LTBP1: variants seen among roughly 807,000 people sequenced by gnomAD.
The protein encoded by LTBP1 is latent transforming growth factor beta binding protein 1.
In LTBP1, 129 loss-of-function variants were observed where a neutral mutation model predicts 207.6. The observed-to-expected ratio is 0.62, with a 90% CI of 0.54 to 0.72. The LOEUF is 0.72. LTBP1 is among the 30% of genes least tolerant of loss of function. The pLI is 0.00. For missense variants in LTBP1, 2,281 were observed against 2,217.2 expected, an observed-to-expected ratio of 1.03 and a Z score of -0.58; for synonymous variants, 963 against 833.7, an observed-to-expected ratio of 1.16 and a Z score of -2.67.
At chr2:33,360,900 C>T in intron 27 of LTBP1, 121 bp downstream of exon 27, 7 of 769,552 alleles carry the variant, frequency 9.1e-6, no homozygotes, top group Non-Finnish European at 1.5e-5. Context: ...TAGTGAGTTT[C>T]ATTCAGGGCT....
At chr2:33,234,224 G>T (rs939442111) in intron 9 of LTBP1, among the ~76,000 whole-genome samples, 5 of 152,018 alleles carry the variant, frequency 3.3e-5, no homozygotes, top group Non-Finnish European at 5.9e-5. Context: ...TCTCTGCTTA[G>T]ACCCCATTGC....
At chr2:32,956,887 C>T (rs979791467) in intron 2 of LTBP1, among the ~76,000 whole-genome samples, 4 of 152,322 alleles carry the variant, frequency 2.6e-5, no homozygotes, top group African/African-American at 7.2e-5. Context: ...ATGAAAATGA[C>T]GTTAATCTCC....
At chr2:33,036,534 T>C (rs2075933298) in intron 3 of LTBP1, among the ~76,000 whole-genome samples, 1 of 151,720 alleles carries the variant, frequency 6.6e-6, no homozygotes, top group Admixed American at 6.6e-5. Context: ...CTCAGCTCAC[T>C]GCAACCTCCG....
At chr2:33,060,935 A>G (rs368256213) in intron 3 of LTBP1, among the ~76,000 whole-genome samples, 74 of 152,220 alleles carry the variant, frequency 4.9e-4, no homozygotes, top group African/African-American at 1.7e-3. Flanking sequence ...AATTATATGA[A>G]TCAAAACTGA....
rs773279731 is a variant in LTBP1, at chr2:33,107,033, T to C, written c.864-3549T>C. On this transcript the variant is annotated intron_variant, in intron 3 of 33. Coordinates refer to ENST00000404816, the MANE Select transcript of LTBP1 (RefSeq NM_206943.4). ...ACTGCTTCCTCTGTGTCTGTACTCTTTCAGAGTGACTCCTGACCAGTGTAC... is the reference window on the plus strand; with the variant it reads ...ACTGCTTCCTCTGTGTCTGTACTCTCTCAGAGTGACTCCTGACCAGTGTAC... Among the ~76,000 whole-genome samples the C allele has an allele frequency of 2.0e-5, 3 of 152,332 alleles. No individual in the cohort carries two copies. In the South Asian group the frequency reaches 6.2e-4, roughly 32 times the overall value.
intron 22 of LTBP1, among the ~76,000 whole-genome samples, chr2:33,302,095 G>A (rs560345718): frequency 7.0e-4 from 107 of 152,304 alleles, no homozygotes; most frequent in African/African-American, 2.4e-3. Flanking sequence ...CACATGTCCA[G>A]TATCGTGCAG....
chr2:33,331,612 C>A (rs568310440), intron 24 of LTBP1, among the ~76,000 whole-genome samples: 3 of 152,186 alleles, frequency 2.0e-5, no homozygotes, highest in Admixed American at 2.0e-4. Flanking sequence ...TTTGTTATGG[C>A]ACAGAATATT....
chr2:33,006,914 G>A (rs933735490), intron 2 of LTBP1, among the ~76,000 whole-genome samples: 2 of 152,150 alleles, frequency 1.3e-5, no homozygotes, highest in East Asian at 1.9e-4. Flanking sequence ...CTTCCATGGA[G>A]AGGAATGGCC....
At chr2:33,319,489 T>C (rs1465288251) in intron 24 of LTBP1, among the ~76,000 whole-genome samples, 1 of 152,042 alleles carries the variant, frequency 6.6e-6, no homozygotes, top group Non-Finnish European at 1.5e-5. Context: ...TGGGAGAAAA[T>C]TAGGGAAACT....
intron 4 of LTBP1, among the ~76,000 whole-genome samples, chr2:33,113,390 G>A (rs2080527779): frequency 6.6e-6 from 1 of 152,142 alleles, no homozygotes; most frequent in Admixed American, 6.5e-5. Context: ...TGAATAAGCA[G>A]GAAAGAGATG....
At chr2:33,157,469 G>A (rs1293023607) in intron 5 of LTBP1, among the ~76,000 whole-genome samples, 1 of 152,208 alleles carries the variant, frequency 6.6e-6, no homozygotes, top group East Asian at 1.9e-4. Flanking sequence ...GCTGAAAGTA[G>A]CTTGGAGAGC....
chr2:33,342,928 G>C lies in LTBP1; in HGVS notation c.3821G>C (p.Gly1274Ala), dbSNP rs779710477. 17 of 1,613,996 alleles carry C rather than the reference G, an allele frequency of 1.1e-5. No individual in the cohort carries two copies. Among genetic ancestry groups the C allele is most frequent in the Non-Finnish European group, 1.4e-5 (17 of 1,179,902 alleles). ...TCCTTCCGCTGCCTCTGTTATCAGG[G>C]CTTTCAAGCCCCACAGGATGGGCAA... Reference protein sequence around the residue: ...AGSFRCLCYQGFQAPQDGQGC... With the variant: ...AGSFRCLCYQAFQAPQDGQGC... The change falls in exon 25 of 34, where the codon GGC becomes GCC. Residue 1274 changes from glycine to alanine, a missense_variant. Coordinates refer to ENST00000404816, the MANE Select transcript of LTBP1 (RefSeq NM_206943.4).
rs987531349 is a variant in LTBP1 at position 33,309,632 on chromosome 2, G to A, written c.3604+76G>A. ...CTGCCATGTTGCCAGATGATAGTCTGTGGTTTTGCCATGTGATTTATATGT... is the reference window on the plus strand; with the variant it reads ...CTGCCATGTTGCCAGATGATAGTCTATGGTTTTGCCATGTGATTTATATGT... On this transcript the variant is annotated intron_variant, in intron 23 of 33. Transcript: ENST00000404816. 7 of 1,518,350 alleles carry A rather than the reference G, an allele frequency of 4.6e-6. No homozygotes were observed. In the East Asian group the frequency reaches 1.4e-4, roughly 30 times the overall value. 94.1% of individuals were successfully genotyped at this position (1,518,350 alleles called of 1,614,324 possible).
At chr2:33,384,940 G>A (rs931775394) in intron 31 of LTBP1, among the ~76,000 whole-genome samples, 2 of 152,098 alleles carry the variant, frequency 1.3e-5, no homozygotes, top group Non-Finnish European at 2.9e-5. Context: ...ACTTGCCCAA[G>A]TCCTGATATT....
At chr2:33,006,026 G>C (rs1686812222) in intron 2 of LTBP1, among the ~76,000 whole-genome samples, 1 of 152,134 alleles carries the variant, frequency 6.6e-6, no homozygotes, top group Admixed American at 6.5e-5. Flanking sequence ...CTCCACAGAA[G>C]CCTGTCCCTA....
At chr2:33,114,145 A>G (rs1184285526) in intron 4 of LTBP1, among the ~76,000 whole-genome samples, 1 of 152,242 alleles carries the variant, frequency 6.6e-6, no homozygotes, top group African/African-American at 2.4e-5. Context: ...CCCAGCCGGT[A>G]AAGGATATCT....
intron 3 of LTBP1, among the ~76,000 whole-genome samples, chr2:33,040,017 A>G (rs1383789638): frequency 6.6e-6 from 1 of 152,096 alleles, no homozygotes; most frequent in African/African-American, 2.4e-5. Context: ...GAGAGATCGA[A>G]TGGGACCGGT....
At chr2:33,200,474 T>C (rs1247919257) in intron 7 of LTBP1, among the ~76,000 whole-genome samples, 2 of 152,144 alleles carry the variant, frequency 1.3e-5, no homozygotes, top group Non-Finnish European at 2.9e-5. Context: ...CAAAAATTAA[T>C]TGAAGATGGA....
intron 2 of LTBP1, among the ~76,000 whole-genome samples, chr2:33,012,037 T>C (rs1409052169): frequency 6.6e-6 from 1 of 152,072 alleles, no homozygotes; most frequent in East Asian, 1.9e-4. Context: ...CCTCTTCTCT[T>C]TCCGAAAGAC....
Sources: gnomAD v4.1 joint callset for allele counts (sites outside exome capture counted in the v4.1 genomes callset) on GRCh38, gnomAD v4.1.1 for gene constraint, MANE v1.5 for transcripts, NCBI Gene and HGNC (gene_info 2026-07-23, HGNC 2026-07-21) for gene names.